Variants in ERBB4 observed in about 807,000 individuals in gnomAD.
The protein encoded by ERBB4 is erb-b2 receptor tyrosine kinase 4.
In ERBB4, 42 loss-of-function variants were observed where a neutral mutation model predicts 158.0. The observed-to-expected ratio is 0.27, with a 90% confidence interval of 0.21 to 0.34. The LOEUF is 0.34. Among genes scored for constraint, ERBB4 ranks in the 10% least tolerant of loss-of-function variants. The pLI is 1.00. For synonymous variants in ERBB4, 583 were observed against 558.7 expected, an observed-to-expected ratio of 1.04 and a Z score of -0.61; for missense variants, 1,333 against 1,624.1, an observed-to-expected ratio of 0.82 and a Z score of 3.08.
chr2:211,444,245 A>C (rs1327483459), intron 20 of ERBB4, among the ~76,000 whole-genome samples: 1 of 152,048 alleles, frequency 6.6e-6, no homozygotes, highest in East Asian at 1.9e-4. Flanking sequence ...GAATTAAAAA[A>C]ATCACTAAAG....
intron 20 of ERBB4, among the ~76,000 whole-genome samples, chr2:211,558,781 G>A (rs2067306876): frequency 6.6e-6 from 1 of 151,804 alleles, no homozygotes. Context: ...AAAAAATAAA[G>A]GAAGGACTCC....
rs1460381392 is a variant in ERBB4, at chr2:211,378,011, C to G, written c.*5604G>C. On this transcript the variant is annotated 3_prime_UTR_variant, in exon 28 of 28. Transcript: ENST00000342788. Reference sequence around the variant, plus strand: ...GGGCAAAGATGAAGTCAGTGTTTCACAAAGTGGGGTGTAGGATCTCAGAGA... The same window carrying G: ...GGGCAAAGATGAAGTCAGTGTTTCAGAAAGTGGGGTGTAGGATCTCAGAGA... The G allele has an allele frequency of 8.6e-6, 2 of 232,960 alleles. No individual in the cohort carries two copies. Among genetic ancestry groups the G allele is most frequent in the Non-Finnish European group, 8.5e-6 (1 of 117,670 alleles). The allele number at this position is 232,960 out of a possible 1,614,324, so 14.4% of individuals were successfully genotyped here. A position where few individuals can be genotyped will look rare whatever the true frequency, so the allele number is the denominator to read the frequency against.
intron 2 of ERBB4, among the ~76,000 whole-genome samples, chr2:211,957,426 G>A (rs2081064104): frequency 6.6e-6 from 1 of 152,094 alleles, no homozygotes; most frequent in South Asian, 2.1e-4. Flanking sequence ...CCAGAATTGT[G>A]AGAAAATAAA....
chr2:211,732,349 GA>G (rs1296993026), intron 5 of ERBB4, among the ~76,000 whole-genome samples: 4 of 146,686 alleles, frequency 2.7e-5, no homozygotes, highest in Admixed American at 2.7e-4. Flanking sequence ...AAGGCTCTCA[GA>G]GGTCTTTTTT....
intron 1 of ERBB4, among the ~76,000 whole-genome samples, chr2:212,190,793 A>G (rs2082166111): frequency 6.6e-6 from 1 of 152,186 alleles, no homozygotes; most frequent in African/African-American, 2.4e-5. Context: ...CCATATTTTT[A>G]TAAAATATGA....
intron 25 of ERBB4, among the ~76,000 whole-genome samples, chr2:211,397,148 G>A (rs1304250650): frequency 6.6e-6 from 1 of 151,974 alleles, no homozygotes; most frequent in African/African-American, 2.4e-5. Flanking sequence ...AGCCCTCCCC[G>A]AGAGCTACCT....
chr2:212,442,285 C>T (rs1030892134), intron 1 of ERBB4, among the ~76,000 whole-genome samples: 2 of 152,270 alleles, frequency 1.3e-5, no homozygotes, highest in Admixed American at 6.5e-5. Context: ...CATGGCCCCT[C>T]AACAAATTTC....
At chr2:212,532,414 T>C (rs1692802883) in intron 1 of ERBB4, among the ~76,000 whole-genome samples, 1 of 152,206 alleles carries the variant, frequency 6.6e-6, no homozygotes, top group African/African-American at 2.4e-5. Flanking sequence ...TTTTAGAAAC[T>C]AGGGCTATGC....
At chr2:212,409,073 C>T (rs1026328202) in intron 1 of ERBB4, among the ~76,000 whole-genome samples, 5 of 152,124 alleles carry the variant, frequency 3.3e-5, no homozygotes, top group African/African-American at 9.7e-5. Flanking sequence ...AAATTCACAA[C>T]CTAATCACCA....
chr2:211,817,069 A>G (rs74747418), intron 3 of ERBB4, among the ~76,000 whole-genome samples: 4,002 of 152,304 alleles, frequency 0.026, 182 homozygotes, highest in African/African-American at 0.09. Context: ...TTTTAATGTG[A>G]AAGTGCATTG....
At position 212,379,535 on chromosome 2, in the gene ERBB4, T is replaced by A. The variant is rs1206292961; in HGVS notation, c.82+158914A>T. On this transcript the variant is annotated intron_variant, in intron 1 of 27. Coordinates refer to ENST00000342788, the MANE Select transcript of ERBB4 (RefSeq NM_005235.3). ...TGTCTAATCAGGAATGATCACTGAA[T>A]ATTATCTTGAGCCAGAAAGATCTTT... Among the ~76,000 whole-genome samples, 5 of 151,744 alleles carry A rather than the reference T, an allele frequency of 3.3e-5. No individual in the cohort carries two copies. The Admixed American group carries it at 3.3e-4, about 10-fold the overall frequency.
chr2:211,526,767 G>A (rs903252929), intron 20 of ERBB4, among the ~76,000 whole-genome samples: 31 of 151,562 alleles, frequency 2.0e-4, no homozygotes, highest in Non-Finnish European at 4.1e-4. Context: ...AGAGAATCAA[G>A]CAGAAATTCT....
At chr2:211,412,048 C>CA (rs1454214510) in intron 25 of ERBB4, among the ~76,000 whole-genome samples, 1 of 148,568 alleles carries the variant, frequency 6.7e-6, no homozygotes, top group African/African-American at 2.5e-5. Context: ...AGATTCAAGA[C>CA]AACAGAAACA....
chr2:211,967,384 A>G (rs2081337224), intron 2 of ERBB4, among the ~76,000 whole-genome samples: 1 of 152,108 alleles, frequency 6.6e-6, no homozygotes, highest in African/African-American at 2.4e-5. Flanking sequence ...AAATGGTAAA[A>G]ATAAACAATT....
intron 2 of ERBB4, among the ~76,000 whole-genome samples, chr2:212,043,004 AG>A (rs1196680103): frequency 1.3e-5 from 2 of 152,178 alleles, no homozygotes; most frequent in African/African-American, 4.8e-5. Flanking sequence ...TGTGCGGCAA[AG>A]GAAAATCTAT....
At chr2:211,682,407 G>T (rs1438173417) in intron 12 of ERBB4, among the ~76,000 whole-genome samples, 1 of 151,994 alleles carries the variant, frequency 6.6e-6, no homozygotes, top group Non-Finnish European at 1.5e-5. Flanking sequence ...CACCCACACT[G>T]GTGAGGGCAA....
intron 1 of ERBB4, among the ~76,000 whole-genome samples, chr2:212,170,345 G>C (rs1281413134): frequency 6.6e-6 from 1 of 152,068 alleles, no homozygotes; most frequent in Non-Finnish European, 1.5e-5. Context: ...ATCTGAAATT[G>C]GAACTTATGT....
chr2:212,471,682 C>A (rs1689125421), intron 1 of ERBB4, among the ~76,000 whole-genome samples: 1 of 151,798 alleles, frequency 6.6e-6, no homozygotes, highest in Non-Finnish European at 1.5e-5. Flanking sequence ...TTCCTTTTTG[C>A]ACTTATTGCT....
intron 5 of ERBB4, among the ~76,000 whole-genome samples, chr2:211,748,249 TTAAAG>T (rs1481947815): frequency 3.3e-5 from 5 of 151,870 alleles, no homozygotes; most frequent in Admixed American, 3.3e-4. Flanking sequence ...AAAATAATAA[TTAAAG>T]TAATTATTTT....
Sources: gnomAD v4.1 joint callset for allele counts (sites outside exome capture counted in the v4.1 genomes callset) on GRCh38, gnomAD v4.1.1 for gene constraint, MANE v1.5 for transcripts, NCBI Gene and HGNC (gene_info 2026-07-23, HGNC 2026-07-21) for gene names.